The following LARS1 variants were observed in gnomAD, a reference collection of about 807,000 sequenced individuals.
LARS1 encodes the protein leucine--tRNA ligase, cytoplasmic.
A neutral mutation model predicts 162.8 loss-of-function variants in LARS1; 100 were observed. That is an observed-to-expected ratio of 0.61 (90% CI 0.52 to 0.73). LARS1 has a LOEUF of 0.73. Ranked by LOEUF, LARS1 falls within the 30% of genes least tolerant of loss-of-function variation. LARS1 has a pLI of 0.00. For missense variants in LARS1, 1,258 were observed against 1,408.9 expected (o/e 0.89, Z 1.71); for synonymous variants, 457 against 462.8 (o/e 0.99, Z 0.16).
At chr5:146,121,963 C>G (rs1437261925) in intron 30 of LARS1, among the ~76,000 whole-genome samples, 3 of 152,046 alleles carry the variant, frequency 2.0e-5, no homozygotes, top group East Asian at 1.9e-4. Context: ...TATCCCAGAA[C>G]TTAAATTAAA....
intron 8 of LARS1, among the ~76,000 whole-genome samples, chr5:146,158,878 C>A (rs980423048): frequency 5.3e-5 from 8 of 152,056 alleles, no homozygotes; most frequent in Non-Finnish European, 8.8e-5. Flanking sequence ...GGGCAGATCA[C>A]GAGGTCAGGA....
At chr5:146,158,953 G>A (rs1000946769) in intron 8 of LARS1, among the ~76,000 whole-genome samples, 21 of 152,108 alleles carry the variant, frequency 1.4e-4, no homozygotes, top group African/African-American at 3.9e-4. Context: ...AAAATTAGCT[G>A]GGTGTGGTGG....
chr5:146,143,598 T>A (rs1158094605), intron 18 of LARS1, 48 bp from the exon 19 acceptor site: 3 of 1,578,842 alleles, frequency 1.9e-6, no homozygotes, highest in Non-Finnish European at 2.6e-6. Context: ...ACATTTCATC[T>A]ATAGAATCCA....
chr5:146,125,909 CAGGAA>C (rs1202271019), intron 28 of LARS1, among the ~76,000 whole-genome samples: 7 of 151,966 alleles, frequency 4.6e-5, no homozygotes, highest in Non-Finnish European at 1.0e-4. Context: ...TCATAACTAG[CAGGAA>C]AGGTAGTTCT....
chr5:146,124,170 T>C (rs1751951336), intron 28 of LARS1, 84 bp from the exon 29 acceptor site: 2 of 831,432 alleles, frequency 2.4e-6, no homozygotes, highest in African/African-American at 1.7e-5. Context: ...ATCATTCTTC[T>C]CTCAACTGAT....
chr5:146,131,160 T>C lies in LARS1; in HGVS notation c.2397-51A>G, dbSNP rs771144987. ...TATTGAGTTTAAAGGCACTTATACATAGCTATAAAAAACTGCTGCATACAC... is the reference window on the plus strand; with the variant it reads ...TATTGAGTTTAAAGGCACTTATACACAGCTATAAAAAACTGCTGCATACAC... On this transcript the variant is annotated intron_variant, in intron 23 of 31. Transcript: ENST00000394434. 4 of 867,764 alleles carry C rather than the reference T, an allele frequency of 4.6e-6. No homozygotes were observed. In the African/African-American group the frequency reaches 7.0e-5, roughly 15 times the overall value. 53.8% of individuals were successfully genotyped at this position (867,764 alleles called of 1,614,324 possible). A position where few individuals can be genotyped will look rare whatever the true frequency, so the allele number is the denominator to read the frequency against.
Position 146,171,977 on chromosome 5 carries a change from T to C in LARS1, c.227A>G (p.Tyr76Cys). The change falls in exon 4 of 32, where the codon TAC (tyrosine) becomes TGC (cysteine). Residue 76 changes from tyrosine (Y) to cysteine (C), a missense_variant. Physicochemically the swap from Tyr to Cys is radical, Grantham distance 194 (BLOSUM62 -2). Coordinates refer to ENST00000394434, the MANE Select transcript of LARS1 (RefSeq NM_020117.11). The stretch of plus-strand genomic sequence containing the variant: ...ACAACATTTTCCTTTCAATCGCTGG[T>C]ACCCTACAGCAAACTACAGAAATAA... The part of the protein sequence containing the change: ...SLSKCEFAVG[Y>C]QRLKGKCCLF... The C allele has an allele frequency of 6.2e-7, 1 of 1,613,262 alleles. No individual in the cohort carries two copies. Among genetic ancestry groups the C allele is most frequent in the Non-Finnish European group, 8.5e-7 (1 of 1,179,240 alleles).
chr5:146,135,720 T>A, intron 21 of LARS1, 56 bp from the exon 22 acceptor site: 1 of 1,269,424 alleles, frequency 7.9e-7, no homozygotes, highest in Non-Finnish European at 1.1e-6. Context: ...ATAAACCAAA[T>A]GAGCCAAATA....
At position 146,178,708 on chromosome 5, in the gene LARS1, G is replaced by C. The variant is rs1406220555; in HGVS notation, c.7-1043C>G. 3.3e-5 allele frequency among the ~76,000 whole-genome samples: 5 copies of C among 151,862 alleles called. 1 individual carries two copies. The highest frequency in any genetic ancestry group is 2.6e-4 in the Admixed American group (4 of 15,238). ...TTCTTTTCTAAGAAATAATAAGCCT[G>C]CACAACTGTTCATCCCTTTCCATTC... On this transcript the variant is annotated intron_variant, in intron 1 of 31. Transcript: ENST00000394434.
chr5:146,174,507 T>C (rs1317464997), intron 2 of LARS1, among the ~76,000 whole-genome samples: 2 of 65,140 alleles, frequency 3.1e-5, no homozygotes, highest in African/African-American at 9.2e-5. Context: ...TATCCATATA[T>C]ATATATATAT....
In LARS1 at chr5:146,126,427, C is replaced by T; in HGVS notation, c.2991+8G>A. The T allele has an allele frequency of 6.3e-7, 1 of 1,577,606 alleles. No homozygotes were observed. The highest frequency in any genetic ancestry group is 8.7e-7 in the Non-Finnish European group (1 of 1,147,414). ...TGTGGTCACAGCTGCATAAGGTCCA[C>T]AGCTTACCTTAATCATGGCAACAAA... On this transcript the variant is annotated splice_region_variant and intron_variant, in intron 28 of 31. Transcript: ENST00000394434.
rs1352208338 is a variant in LARS1, at chr5:146,124,000, A to G, written c.3078T>C (p.Tyr1026=). The part of the protein sequence containing the change: ...EKAVLMENIV[Y]LTNSLELEHI... Reference sequence around the variant, plus strand: ...CTCTTACCTCAAGCGAATTAGTCAGATAGACTATATTCTCCATAAGCACAG... The same window carrying G: ...CTCTTACCTCAAGCGAATTAGTCAGGTAGACTATATTCTCCATAAGCACAG... Residue 1026 remains tyrosine, a synonymous_variant, in exon 29 of 32, where the codon TAT becomes TAC. Coordinates refer to ENST00000394434, the MANE Select transcript of LARS1 (RefSeq NM_020117.11). The G allele has an allele frequency of 8.1e-6, 13 of 1,603,238 alleles. No individual in the cohort carries two copies. In the East Asian group the frequency reaches 2.9e-4, roughly 36 times the overall value.
intron 10 of LARS1, among the ~76,000 whole-genome samples, chr5:146,154,860 A>AT (rs1296894642): frequency 1.3e-5 from 2 of 150,422 alleles, no homozygotes; most frequent in East Asian, 2.0e-4. Context: ...AGGAAAAATA[A>AT]TTTTTTTTTT....
At chr5:146,160,115 G>C (rs1753712550) in intron 7 of LARS1, among the ~76,000 whole-genome samples, 1 of 152,012 alleles carries the variant, frequency 6.6e-6, no homozygotes, top group Non-Finnish European at 1.5e-5. Context: ...TAGGCTACAA[G>C]GTATTTATTT....
chr5:146,120,037 T>C (rs531637496), intron 31 of LARS1, among the ~76,000 whole-genome samples: 1 of 152,324 alleles, frequency 6.6e-6, no homozygotes, highest in East Asian at 1.9e-4. Flanking sequence ...ATTAAGGGTA[T>C]GTGTTCCTTG....
intron 31 of LARS1, among the ~76,000 whole-genome samples, chr5:146,117,841 TG>T (rs1751628336): frequency 6.6e-6 from 1 of 152,198 alleles, no homozygotes; most frequent in Non-Finnish European, 1.5e-5. Flanking sequence ...AAAAATATTG[TG>T]TGATTCCAAT....
chr5:146,177,743 A>C, intron 1 of LARS1, 78 bp from the exon 2 acceptor site: 1 of 610,612 alleles, frequency 1.6e-6, no homozygotes, highest in Non-Finnish European at 2.8e-6. Context: ...CACAGAACTG[A>C]GCTGCTCACT....
intron 25 of LARS1, among the ~76,000 whole-genome samples, chr5:146,129,676 C>A (rs141645443): frequency 3.9e-5 from 6 of 151,996 alleles, no homozygotes; most frequent in African/African-American, 1.4e-4. Flanking sequence ...CCTATATATG[C>A]CAGAAGTTTT....
chr5:146,125,756 T>C lies in LARS1; in HGVS notation c.2991+679A>G, dbSNP rs566730311. On this transcript the variant is annotated intron_variant, in intron 28 of 31. Transcript: ENST00000394434. ...GCAATATAAGCCTTCTTTCGGTTTC[T>C]TTTTGTCAAGAAATCCAGTAATACA... 4.6e-5 allele frequency among the ~76,000 whole-genome samples: 7 copies of C among 152,148 alleles called. No individual in the cohort carries two copies. The East Asian group carries it at 1.4e-3, about 29-fold the overall frequency.
Sources: allele counts gnomAD v4.1 joint callset (sites outside exome capture counted in the v4.1 genomes callset), GRCh38; gene constraint gnomAD v4.1.1; transcripts MANE v1.5; gene names NCBI Gene and HGNC (gene_info 2026-07-23, HGNC 2026-07-21).